The following SPOCK3 variants were observed in gnomAD, a reference collection of about 807,000 sequenced individuals.
SPOCK3 encodes testican-3.
Under a neutral mutation model 56.6 loss-of-function variants are expected in SPOCK3, and 30 were observed. The observed-to-expected ratio is 0.53, with a 90% CI of 0.40 to 0.72. SPOCK3 has a LOEUF of 0.72. Among genes scored for constraint, SPOCK3 ranks in the 30% least tolerant of loss-of-function variants. SPOCK3 has a pLI of 0.00. For missense variants in SPOCK3, 527 were observed against 530.0 expected, an observed-to-expected ratio of 0.99 and a Z score of 0.06; for synonymous variants, 196 against 183.3, an observed-to-expected ratio of 1.07 and a Z score of -0.56.
At chr4:166,877,097 A>G (rs1733176285) in intron 6 of SPOCK3, among the ~76,000 whole-genome samples, 1 of 152,176 alleles carries the variant, frequency 6.6e-6, no homozygotes, top group Non-Finnish European at 1.5e-5. Context: ...TAAAGTGGCT[A>G]CCTCTAATCA....
At chr4:166,986,291 A>T (rs1445807168) in intron 4 of SPOCK3, among the ~76,000 whole-genome samples, 1 of 152,158 alleles carries the variant, frequency 6.6e-6, no homozygotes, top group Admixed American at 6.5e-5. Context: ...AGCATGTTGA[A>T]GTGTTACCCA....
At chr4:166,959,549 T>A (rs1743903586) in intron 4 of SPOCK3, among the ~76,000 whole-genome samples, 1 of 151,288 alleles carries the variant, frequency 6.6e-6, no homozygotes, top group African/African-American at 2.4e-5. Flanking sequence ...GAGGTGGAGG[T>A]TGCAGTGAGC....
chr4:167,077,263 T>G (rs1343651664), intron 2 of SPOCK3, among the ~76,000 whole-genome samples: 1 of 151,330 alleles, frequency 6.6e-6, no homozygotes, highest in Non-Finnish European at 1.5e-5. Flanking sequence ...GGATAATCAT[T>G]CTACATACAC....
chr4:166,841,173 T>A (rs575979788), intron 6 of SPOCK3, among the ~76,000 whole-genome samples: 1 of 152,222 alleles, frequency 6.6e-6, no homozygotes, highest in East Asian at 1.9e-4. Context: ...CTTCAATTAT[T>A]GGAGACCGAC....
intron 4 of SPOCK3, among the ~76,000 whole-genome samples, chr4:166,959,472 G>A (rs1743892010): frequency 1.3e-5 from 2 of 152,038 alleles, no homozygotes. Flanking sequence ...AATTAGCCGG[G>A]CATGGTGGCA....
intron 2 of SPOCK3, among the ~76,000 whole-genome samples, chr4:167,170,314 C>A (rs117023432): frequency 6.6e-6 from 1 of 152,044 alleles, no homozygotes; most frequent in African/African-American, 2.4e-5. Context: ...TTTGAATGTC[C>A]GATACCTTTA....
At chr4:167,069,453 T>A (rs1321700947) in intron 2 of SPOCK3, among the ~76,000 whole-genome samples, 1 of 151,842 alleles carries the variant, frequency 6.6e-6, no homozygotes, top group Non-Finnish European at 1.5e-5. Flanking sequence ...GCTAGGAAAG[T>A]CAGAACATGA....
chr4:166,780,654 T>C (rs903207924), intron 7 of SPOCK3, among the ~76,000 whole-genome samples: 3 of 152,160 alleles, frequency 2.0e-5, no homozygotes, highest in African/African-American at 7.2e-5. Flanking sequence ...GAGAATATCC[T>C]GAGTATAGAC....
chr4:166,955,679 T>C (rs1343837867), intron 4 of SPOCK3, among the ~76,000 whole-genome samples: 1 of 147,672 alleles, frequency 6.8e-6, no homozygotes, highest in Non-Finnish European at 1.5e-5. Context: ...TAGAGAAATA[T>C]AAATTATTAA....
At chr4:166,890,714 A>T (rs1734679882) in intron 5 of SPOCK3, among the ~76,000 whole-genome samples, 1 of 151,968 alleles carries the variant, frequency 6.6e-6, no homozygotes, top group Admixed American at 6.6e-5. Context: ...ATGTGTTGCT[A>T]AGAATTTATA....
chr4:167,009,739 T>C (rs1334373428), intron 3 of SPOCK3, among the ~76,000 whole-genome samples: 2 of 152,054 alleles, frequency 1.3e-5, no homozygotes, highest in African/African-American at 4.8e-5. Flanking sequence ...AAAATCCAAA[T>C]TTAATCCACT....
intron 3 of SPOCK3, among the ~76,000 whole-genome samples, chr4:167,046,450 C>CTTTTTTTTTTTTTTTTTTTTTTTTTT (rs67108499): frequency 9.3e-5 from 5 of 53,704 alleles, no homozygotes; most frequent in Non-Finnish European, 1.7e-4. Context: ...TTCTGATATT[C>CTTTTTTTTTTTTTTTTTTTTTTTTTT]TTTTTTTTTT....
At chr4:167,105,745 A>T (rs765353055) in intron 2 of SPOCK3, among the ~76,000 whole-genome samples, 52 of 151,928 alleles carry the variant, frequency 3.4e-4, no homozygotes, top group Non-Finnish European at 6.8e-4. Context: ...GCCTACAAGG[A>T]ACATGCTTTA....
intron 6 of SPOCK3, among the ~76,000 whole-genome samples, chr4:166,844,653 TTGATA>T: frequency 1.3e-5 from 2 of 151,872 alleles, no homozygotes; most frequent in African/African-American, 4.8e-5. Context: ...TGTCTCTTTC[TTGATA>T]TATGTATAGA....
chr4:167,070,847 G>T (rs1244918781), intron 2 of SPOCK3, among the ~76,000 whole-genome samples: 2 of 151,790 alleles, frequency 1.3e-5, no homozygotes, highest in Non-Finnish European at 2.9e-5. Flanking sequence ...GGGTATAAAG[G>T]AATTATCTAT....
chr4:166,886,441 A>T (rs1311056754), intron 6 of SPOCK3, among the ~76,000 whole-genome samples: 3 of 152,120 alleles, frequency 2.0e-5, no homozygotes, highest in Non-Finnish European at 4.4e-5. Flanking sequence ...GTAAAGTCAG[A>T]ATCTAGGGTT....
rs1472688610 is a variant in SPOCK3 at position 166,734,830 on chromosome 4, T to C, written c.*91A>G. 1.8e-6 allele frequency: 2 copies of C among 1,104,208 alleles called. No individual in the cohort carries two copies. The highest frequency in any genetic ancestry group is 1.6e-5 in the African/African-American group (1 of 62,540). 68.4% of individuals were successfully genotyped at this position (1,104,208 alleles called of 1,614,324 possible). A position where few individuals can be genotyped will look rare whatever the true frequency, so the allele number is the denominator to read the frequency against. On this transcript the variant is annotated 3_prime_UTR_variant, in exon 11 of 11. Coordinates refer to ENST00000357545, the MANE Select transcript of SPOCK3 (RefSeq NM_001040159.2). ...AAAATATATGTGAGGTTTAGAATCA[T>C]TTTGTTATTGGGGAAGAAGATAATT...
chr4:166,934,714 A>T (rs1164758605), intron 4 of SPOCK3, among the ~76,000 whole-genome samples: 1 of 152,126 alleles, frequency 6.6e-6, no homozygotes, highest in East Asian at 1.9e-4. Context: ...CGTCTATGAG[A>T]TCTGGTCTGA....
chr4:166,979,361 C>G lies in SPOCK3; in HGVS notation c.350+20988G>C, dbSNP rs150360184. On this transcript the variant is annotated intron_variant, in intron 4 of 10. Transcript: ENST00000357545. ...GAAAAACAGTCTCTGGTGGTAAACT[C>G]CAACCCTACAATAAACCAACATAAA... Among the ~76,000 whole-genome samples, 22 of 152,210 alleles carry G rather than the reference C, an allele frequency of 1.4e-4. No individual in the cohort carries two copies. The East Asian group carries it at 4.1e-3, about 28-fold the overall frequency.
Sources: gnomAD v4.1 joint callset for allele counts (sites outside exome capture counted in the v4.1 genomes callset) on GRCh38, gnomAD v4.1.1 for gene constraint, MANE v1.5 for transcripts, NCBI Gene and HGNC (gene_info 2026-07-23, HGNC 2026-07-21) for gene names.